Variants in CSMD2 observed in about 807,000 individuals in gnomAD.
CSMD2 encodes CUB and sushi domain-containing protein 2.
Under a neutral mutation model 398.5 loss-of-function variants are expected in CSMD2, and 130 were observed. The observed-to-expected ratio is 0.33, with a 90% confidence interval of 0.28 to 0.38. CSMD2 has a LOEUF of 0.38. CSMD2 is among the 10% of genes least tolerant of loss of function. CSMD2 has a pLI of 1.00. For missense variants in CSMD2, 3,829 were observed against 4,764.9 expected (o/e 0.80, Z 5.78); for synonymous variants, 1,828 against 1,908.5 (o/e 0.96, Z 1.10).
intron 37 of CSMD2, among the ~76,000 whole-genome samples, chr1:33,620,806 CTTTTTTTT>C (rs34986869): frequency 5.4e-5 from 5 of 91,946 alleles, no homozygotes; most frequent in East Asian, 6.5e-4. Context: ...TGTCCTGGGT[CTTTTTTTT>C]TTTTTTTTTT....
Position 33,514,949 on chromosome 1 carries a change from T to G in CSMD2, c.*1675A>C, listed in dbSNP as rs1653640761. ...CTTAAGAACCAGGTGTCGCTGTCCC[T>G]CCGCTCCTGCACATTTCTATTTGCT... On this transcript the variant is annotated 3_prime_UTR_variant, in exon 71 of 71. Transcript: ENST00000373381. 1 of 152,200 alleles carries G rather than the reference T, an allele frequency of 6.6e-6. No individual in the cohort carries two copies. Among genetic ancestry groups the G allele is most frequent in the Non-Finnish European group, 1.5e-5 (1 of 68,034 alleles). 9.4% of individuals were successfully genotyped at this position (152,200 alleles called of 1,614,324 possible).
At chr1:34,159,512 C>A (rs1641131772) in intron 1 of CSMD2, among the ~76,000 whole-genome samples, 1 of 152,176 alleles carries the variant, frequency 6.6e-6, no homozygotes, top group Non-Finnish European at 1.5e-5. Flanking sequence ...CCAGCTGGGT[C>A]CCCAAGAAGT....
intron 4 of CSMD2, among the ~76,000 whole-genome samples, chr1:33,931,502 G>A (rs945938897): frequency 3.3e-5 from 5 of 151,492 alleles, no homozygotes; most frequent in African/African-American, 1.2e-4. Flanking sequence ...GTGGGGGGAA[G>A]CCCTAGGGGG....
intron 3 of CSMD2, among the ~76,000 whole-genome samples, chr1:34,025,029 A>G (rs1214772265): frequency 6.6e-6 from 1 of 152,160 alleles, no homozygotes; most frequent in East Asian, 1.9e-4. Context: ...CTGCGTGCAC[A>G]GTGGCATGAT....
intron 3 of CSMD2, among the ~76,000 whole-genome samples, chr1:33,990,303 A>G (rs971239501): frequency 6.6e-6 from 1 of 152,172 alleles, no homozygotes; most frequent in African/African-American, 2.4e-5. Context: ...TATCAAAAAA[A>G]GTGATAGGAT....
At chr1:33,638,069 G>A (rs1428079167) in intron 29 of CSMD2, among the ~76,000 whole-genome samples, 7 of 152,124 alleles carry the variant, frequency 4.6e-5, no homozygotes, top group Admixed American at 6.5e-5. Context: ...GTCGTTGCCC[G>A]CAGCTGAGAG....
At chr1:34,019,830 C>T (rs901759629) in intron 3 of CSMD2, among the ~76,000 whole-genome samples, 13 of 152,156 alleles carry the variant, frequency 8.5e-5, no homozygotes, top group African/African-American at 2.9e-4. Context: ...CCGGCCACAC[C>T]CCTGCCCTCA....
intron 2 of CSMD2, among the ~76,000 whole-genome samples, chr1:34,053,124 T>G (rs977010720): frequency 6.6e-6 from 1 of 152,226 alleles, no homozygotes; most frequent in African/African-American, 2.4e-5. Flanking sequence ...CTCTCTCTAC[T>G]GTCCATCCCT....
intron 3 of CSMD2, among the ~76,000 whole-genome samples, chr1:33,997,157 T>G (rs1052871701): frequency 6.6e-6 from 1 of 151,770 alleles, no homozygotes; most frequent in African/African-American, 2.4e-5. Flanking sequence ...GAAACGAGAG[T>G]CGGTTTCCCT....
intron 15 of CSMD2, among the ~76,000 whole-genome samples, chr1:33,737,924 CT>C (rs1044899192): frequency 6.6e-6 from 1 of 152,056 alleles, no homozygotes; most frequent in Non-Finnish European, 1.5e-5. Context: ...ATTATCCCTC[CT>C]TTTTTTTCCA....
At chr1:33,994,474 T>A (rs370272074) in intron 3 of CSMD2, among the ~76,000 whole-genome samples, 2 of 152,146 alleles carry the variant, frequency 1.3e-5, no homozygotes, top group South Asian at 2.1e-4. Flanking sequence ...CTTTTACATA[T>A]GTTTAGGGGC....
At chr1:33,705,632 G>A (rs1645749438) in intron 22 of CSMD2, among the ~76,000 whole-genome samples, 1 of 151,434 alleles carries the variant, frequency 6.6e-6, no homozygotes, top group South Asian at 2.1e-4. Flanking sequence ...TTTTTTAATG[G>A]TCATTGTTTT....
chr1:33,519,889 G>C lies in CSMD2; in HGVS notation c.10659C>G (p.Ser3553Arg). 2.5e-6 allele frequency: 4 copies of C among 1,614,226 alleles called. No individual in the cohort carries two copies. Among genetic ancestry groups the C allele is most frequent in the Non-Finnish European group, 3.4e-6 (4 of 1,180,044 alleles). ...GCACCAGGATCGCGGCTGCCACTGA[G>C]CTGCTGTTGGAAGCAAAGTGGCGGC... ...SIGRHFASNS[S>R]SVAAAILVPF... Residue 3553 changes from serine (S) to arginine (R), a missense_variant, in exon 69 of 71, where the codon AGC (serine) becomes AGG (arginine). Ser to Arg is a moderately radical substitution (Grantham distance 110). Transcript: ENST00000373381. The surrounding 1 kb of genome is among the most constrained non-coding windows in gnomAD (Gnocchi z 5.6).
chr1:34,045,208 A>T (rs1479021457), intron 2 of CSMD2, among the ~76,000 whole-genome samples: 3 of 152,090 alleles, frequency 2.0e-5, no homozygotes, highest in African/African-American at 7.2e-5. Flanking sequence ...CTTTATTCTT[A>T]AAGCATCTTG....
At position 33,625,214 on chromosome 1, in the gene CSMD2, C is replaced by T. The variant is rs778842842; in HGVS notation, c.5337G>A (p.Pro1779=). 21 of 1,613,454 alleles carry T rather than the reference C, an allele frequency of 1.3e-5. No homozygotes were observed. The highest frequency in any genetic ancestry group is 1.6e-5 in the Non-Finnish European group (19 of 1,179,920). The change falls in exon 34 of 71, where the codon CCG becomes CCA. Residue 1779 remains proline, a synonymous_variant. Coordinates refer to ENST00000373381, the MANE Select transcript of CSMD2 (RefSeq NM_001281956.2). The part of the protein sequence containing the change: ...RTSATQCSSV[P]EPRYGKRLGS... ...CCAGCCTCTTGCCATAGCGGGGTTC[C>T]GGCACAGAGCTGCACTGCGTGGCGC...
At chr1:33,743,243 A>G (rs1218651619) in intron 14 of CSMD2, 37 bp downstream of exon 14, 3 of 1,534,744 alleles carry the variant, frequency 2.0e-6, no homozygotes, top group Non-Finnish European at 8.9e-7. Flanking sequence ...GCAGACACTC[A>G]GATGGAGGGC....
chr1:33,989,053 T>G (rs1256393305), intron 3 of CSMD2, among the ~76,000 whole-genome samples: 2 of 110,786 alleles, frequency 1.8e-5, no homozygotes, highest in Non-Finnish European at 1.8e-5. Context: ...TATATATATA[T>G]ATATATATAT....
chr1:33,595,160 T>G (rs1244453670), intron 44 of CSMD2, among the ~76,000 whole-genome samples: 3 of 152,260 alleles, frequency 2.0e-5, no homozygotes, highest in East Asian at 3.8e-4. Context: ...ACATGTTGCA[T>G]TTCATTGTCA....
intron 13 of CSMD2, among the ~76,000 whole-genome samples, chr1:33,763,532 T>C (rs369328065): frequency 3.9e-5 from 6 of 152,328 alleles, no homozygotes; most frequent in African/African-American, 1.4e-4. Context: ...AGTACCTGAC[T>C]GTTTAGGCAT....
Sources: gnomAD v4.1 joint callset for allele counts (sites outside exome capture counted in the v4.1 genomes callset) on GRCh38, gnomAD v4.1.1 for gene constraint, Gnocchi (gnomAD v3.1) non-coding constraint, MANE v1.5 for transcripts, NCBI Gene and HGNC (gene_info 2026-07-23, HGNC 2026-07-21) for gene names.